PRMT7: variants seen among roughly 807,000 people sequenced by gnomAD.
PRMT7 encodes protein arginine N-methyltransferase 7.
PRMT7 carries 75 observed loss-of-function variants against 85.4 expected under a neutral mutation model. The observed-to-expected ratio is 0.88, with a 90% CI of 0.73 to 1.06. PRMT7 has a LOEUF of 1.06. Among genes scored for constraint, PRMT7 ranks in the 50% least tolerant of loss-of-function variants. The pLI, the probability that PRMT7 is intolerant of heterozygous loss-of-function variation, is 0.00. For missense variants in PRMT7, 868 were observed against 915.2 expected (o/e 0.95, Z 0.67); for synonymous variants, 397 against 359.5 (o/e 1.10, Z -1.18).
chr16:68,332,361 G>A (rs916328336), intron 6 of PRMT7, among the ~76,000 whole-genome samples: 5 of 152,062 alleles, frequency 3.3e-5, no homozygotes, highest in African/African-American at 9.7e-5. Flanking sequence ...AGACTGCCAC[G>A]TCTTCCTTGG....
chr16:68,328,990 G>C, intron 5 of PRMT7, 76 bp from the exon 6 acceptor site: 2 of 981,722 alleles, frequency 2.0e-6, no homozygotes, highest in Admixed American at 1.9e-5. Context: ...TCAAGGAATA[G>C]CTTGCTCACC....
Position 68,358,356 on chromosome 16 carries a change from T to C in PRMT7, c.*1132T>C, listed in dbSNP as rs1597559544. ...GCCTCACAGTTTTATTTTCTCCTCG[T>C]TATCCATCCTTCCTTTCAGCACCAG... On this transcript the variant is annotated 3_prime_UTR_variant, in exon 19 of 19. Coordinates refer to ENST00000441236, the MANE Select transcript of PRMT7 (RefSeq NM_019023.5). 1 of 152,900 alleles carries C rather than the reference T, an allele frequency of 6.5e-6. No individual in the cohort carries two copies. The highest frequency in any genetic ancestry group is 1.9e-4 in the East Asian group (1 of 5,318). The allele number at this position is 152,900 out of a possible 1,614,324, so 9.5% of individuals were successfully genotyped here.
chr16:68,331,672 G>A (rs1239755688), intron 6 of PRMT7, among the ~76,000 whole-genome samples: 1 of 151,978 alleles, frequency 6.6e-6, no homozygotes, highest in African/African-American at 2.4e-5. Flanking sequence ...TGGGATCTCA[G>A]TTTGTTGCTT....
intron 4 of PRMT7, among the ~76,000 whole-genome samples, chr16:68,322,041 G>A (rs919390146): frequency 2.0e-5 from 3 of 151,568 alleles, no homozygotes; most frequent in Non-Finnish European, 4.4e-5. Context: ...TCAGTCTCCC[G>A]AGTTCAAGCG....
chr16:68,343,799 C>T (rs1330294646), intron 9 of PRMT7, among the ~76,000 whole-genome samples: 1 of 152,180 alleles, frequency 6.6e-6, no homozygotes, highest in Admixed American at 6.5e-5. Context: ...AAGTAAGCGT[C>T]TTAAGCGTGT....
At chr16:68,347,130 A>T in intron 11 of PRMT7, 81 bp from the exon 12 acceptor site, 1 of 1,305,530 alleles carries the variant, frequency 7.7e-7, no homozygotes, top group Non-Finnish European at 1.1e-6. Flanking sequence ...GTGAGAAGGG[A>T]AGTATTTCTG....
chr16:68,324,705 T>C lies in PRMT7; in HGVS notation c.155T>C (p.Ile52Thr). The change falls in exon 5 of 19, where the codon ATC (isoleucine) becomes ACC (threonine). Residue 52 changes from isoleucine (I) to threonine (T), a missense_variant. Physicochemically the swap from Ile to Thr is moderately conservative, Grantham distance 89 (BLOSUM62 -1). Coordinates refer to ENST00000441236, the MANE Select transcript of PRMT7 (RefSeq NM_019023.5). ...TAGAATGTAAAATACTACCAAGGTA[T>C]CCGGGCTGCCGTGAGCAGGGTGAAG... is the stretch of plus-strand genomic sequence containing the variant. ...KDRNVKYYQG[I>T]RAAVSRVKDR... The C allele has an allele frequency of 6.2e-7, 1 of 1,614,268 alleles. No individual in the cohort carries two copies. Among genetic ancestry groups the C allele is most frequent in the Non-Finnish European group, 8.5e-7 (1 of 1,180,040 alleles).
chr16:68,347,948 T>C (rs1432216240), intron 13 of PRMT7, among the ~76,000 whole-genome samples: 3 of 152,194 alleles, frequency 2.0e-5, no homozygotes, highest in Non-Finnish European at 2.9e-5. Flanking sequence ...GCGGTAGAAT[T>C]AAATGTAGGA....
intron 6 of PRMT7, among the ~76,000 whole-genome samples, chr16:68,331,260 C>G (rs576547489): frequency 6.6e-6 from 1 of 151,912 alleles, no homozygotes; most frequent in South Asian, 2.1e-4. Context: ...AAGATTCTTC[C>G]ACACTGTTCA....
rs752101222 is a variant in PRMT7 at position 68,355,709 on chromosome 16, C to G, written c.1651-14C>G. On this transcript the variant is annotated splice_polypyrimidine_tract_variant and intron_variant, in intron 16 of 18. Transcript: ENST00000441236. ...GCCTGTCTCTGCAGCCCCCAGGCCC[C>G]CTTCTGTTCGCAGCGTGCCCTGGAC... 7.7e-6 allele frequency: 12 copies of G among 1,558,916 alleles called. No individual in the cohort carries two copies. Among genetic ancestry groups the G allele is most frequent in the Non-Finnish European group, 1.0e-5 (12 of 1,147,526 alleles).
intron 3 of PRMT7, among the ~76,000 whole-genome samples, chr16:68,320,298 G>GAC (rs1369468053): frequency 6.6e-6 from 1 of 152,186 alleles, no homozygotes; most frequent in Admixed American, 6.5e-5. Context: ...AGGAATTAAA[G>GAC]ACACACACAC....
Position 68,316,040 on chromosome 16 carries a change from G to A in PRMT7, c.61G>A (p.Asp21Asn), listed in dbSNP as rs200800825. The A allele has an allele frequency of 8.1e-6, 13 of 1,613,614 alleles. No homozygotes were observed. Among genetic ancestry groups the A allele is most frequent in the East Asian group, 2.2e-5 (1 of 44,878 alleles). ...TTGSVEWLEEDEHYDYHQEIA... is the reference protein window; with the variant it reads ...TTGSVEWLEENEHYDYHQEIA... ...GGGGTCTGTGGAGTGGCTGGAGGAG[G>A]ATGAACACTATGATTACCACCAGGA... The change falls in exon 3 of 19, where the codon GAT becomes AAT. Residue 21 changes from aspartate (D) to asparagine (N), a missense_variant. Physicochemically the swap from Asp to Asn is conservative, Grantham distance 23. Transcript: ENST00000441236.
At chr16:68,313,403 G>C (rs1347366381) in intron 2 of PRMT7, among the ~76,000 whole-genome samples, 5 of 152,124 alleles carry the variant, frequency 3.3e-5, no homozygotes, top group African/African-American at 1.2e-4. Flanking sequence ...TAGTATTTCA[G>C]GACTCTACCA....
intron 14 of PRMT7, among the ~76,000 whole-genome samples, chr16:68,350,455 A>G (rs1466893592): frequency 6.6e-6 from 1 of 151,558 alleles, no homozygotes; most frequent in Admixed American, 6.6e-5. Context: ...TAGCATAACC[A>G]TATTAATGGG....
intron 16 of PRMT7, 33 bp from the exon 17 acceptor site, chr16:68,355,690 C>T: frequency 1.3e-6 from 2 of 1,494,124 alleles, no homozygotes; most frequent in East Asian, 2.5e-5. Flanking sequence ...GCCGGCCTGT[C>T]TCTGCAGCCC....
At chr16:68,353,356 T>G in intron 15 of PRMT7, 136 bp from the exon 16 acceptor site, 2 of 1,491,760 alleles carry the variant, frequency 1.3e-6, no homozygotes, top group Non-Finnish European at 1.8e-6. Context: ...TGGATCTTTG[T>G]TCTCTCTGAG....
chr16:68,349,189 T>TCTGC (rs2086886721), intron 14 of PRMT7, among the ~76,000 whole-genome samples: 1 of 152,158 alleles, frequency 6.6e-6, no homozygotes. Flanking sequence ...ACCCGGGACT[T>TCTGC]CTGCCTGTGC....
chr16:68,320,439 T>A (rs2082359499), intron 3 of PRMT7, among the ~76,000 whole-genome samples: 2 of 152,200 alleles, frequency 1.3e-5, no homozygotes, highest in South Asian at 4.1e-4. Flanking sequence ...GATTATAGAT[T>A]AAAACGGGAA....
chr16:68,348,296 C>A (rs141629089), intron 13 of PRMT7, 46 bp from the exon 14 acceptor site: 11 of 1,436,002 alleles, frequency 7.7e-6, no homozygotes, highest in Non-Finnish European at 1.1e-5. Flanking sequence ...CTGACAAACA[C>A]AATACTTTAG....
Sources: allele counts gnomAD v4.1 joint callset (sites outside exome capture counted in the v4.1 genomes callset), GRCh38; gene constraint gnomAD v4.1.1; transcripts MANE v1.5; gene names NCBI Gene and HGNC (gene_info 2026-07-23, HGNC 2026-07-21).